The following CAPN8 variants were observed in gnomAD, a reference collection of about 807,000 sequenced individuals.
The protein encoded by CAPN8 is calpain-8.
In CAPN8, 87 loss-of-function variants were observed where a neutral mutation model predicts 80.9. That is an observed-to-expected ratio of 1.07 (90% CI 0.90 to 1.28). The LOEUF is 1.28. CAPN8 is among the 50% of genes most tolerant of loss of function. The pLI, the probability that CAPN8 is intolerant of heterozygous loss-of-function variation, is 0.00. For missense variants in CAPN8, 757 were observed against 702.0 expected, an observed-to-expected ratio of 1.08 and a Z score of -0.89; for synonymous variants, 299 against 273.8, an observed-to-expected ratio of 1.09 and a Z score of -0.91.
intron 2 of CAPN8, among the ~76,000 whole-genome samples, chr1:223,639,438 G>A (rs903957911): frequency 6.6e-5 from 10 of 152,224 alleles, no homozygotes; most frequent in East Asian, 1.9e-4. Context: ...CATTTTAATC[G>A]GGAAGCCATC....
At position 223,616,078 on chromosome 1, in the gene CAPN8, G is replaced by A. The variant is rs547366334; in HGVS notation, c.1203C>T (p.Ser401=). ...GCACTGTACAGCAGGGTTCACCGAT[G>A]CTCTCCTCCTGGTCCTCATCCACTT... ...LDEVDEDQEE[S]IGEPCCTVLL... The change falls in exon 10 of 21, where the codon AGC becomes AGT. Residue 401 remains serine (S), a synonymous_variant. Transcript: ENST00000366872. 2.3e-4 allele frequency: 356 copies of A among 1,552,172 alleles called. No individual in the cohort carries two copies. Among genetic ancestry groups the A allele is most frequent in the Non-Finnish European group, 3.0e-4 (341 of 1,147,104 alleles).
intron 1 of CAPN8, among the ~76,000 whole-genome samples, chr1:223,659,325 T>C (rs1190401286): frequency 2.0e-5 from 3 of 152,142 alleles, no homozygotes; most frequent in Non-Finnish European, 2.9e-5. Context: ...ATCTTCACCA[T>C]CATCATCTTC....
At chr1:223,544,676 A>G in intron 18 of CAPN8, 96 bp downstream of exon 18, 1 of 1,509,100 alleles carries the variant, frequency 6.6e-7, no homozygotes, top group South Asian at 1.3e-5. Context: ...TAAGAAAGCT[A>G]CAAATGATGA....
chr1:223,550,718 TCCTTC>T (rs1656761042), intron 15 of CAPN8, among the ~76,000 whole-genome samples: 1 of 152,150 alleles, frequency 6.6e-6, no homozygotes, highest in Non-Finnish European at 1.5e-5. Flanking sequence ...GGAGCTTTGT[TCCTTC>T]AGGTGCTGGC....
At position 223,553,815 on chromosome 1, in the gene CAPN8, G is replaced by T; in HGVS notation, c.1641+17C>A. The T allele has an allele frequency of 2.5e-6, 1 of 398,656 alleles. No homozygotes were observed. Among genetic ancestry groups the T allele is most frequent in the Admixed American group, 4.4e-5 (1 of 22,716 alleles). 24.7% of individuals were successfully genotyped at this position (398,656 alleles called of 1,614,324 possible). Reference sequence around the variant, plus strand: ...TTCTCCTGCCCACCTGGGAAGCCATGTTCGCCCTCCACTCACCTTCCCTGC... The same window carrying T: ...TTCTCCTGCCCACCTGGGAAGCCATTTTCGCCCTCCACTCACCTTCCCTGC... On this transcript the variant is annotated intron_variant, in intron 14 of 20. Coordinates refer to ENST00000366872, the MANE Select transcript of CAPN8 (RefSeq NM_001143962.2).
At chr1:223,545,320 C>T (rs1352317933) in intron 16 of CAPN8, 21 bp from the exon 17 acceptor site, 5 of 1,551,506 alleles carry the variant, frequency 3.2e-6, no homozygotes, top group South Asian at 1.2e-5. Flanking sequence ...TAAAGACCAA[C>T]ATGATTGAGT....
intron 14 of CAPN8, 116 bp downstream of exon 14, chr1:223,553,716 A>AC (rs1482744260): frequency 2.5e-6 from 1 of 397,870 alleles, no homozygotes; most frequent in South Asian, 1.3e-4. Context: ...GGCCCCTGAG[A>AC]CCTGAGTCTC....
intron 1 of CAPN8, among the ~76,000 whole-genome samples, chr1:223,659,586 C>T (rs1222532094): frequency 1.3e-5 from 2 of 152,180 alleles, no homozygotes; most frequent in Non-Finnish European, 1.5e-5. Context: ...CCAACTCAAA[C>T]GTCTCCGGTA....
At chr1:223,661,252 C>A (rs1443042372) in intron 1 of CAPN8, among the ~76,000 whole-genome samples, 3 of 151,936 alleles carry the variant, frequency 2.0e-5, no homozygotes, top group African/African-American at 7.3e-5. Flanking sequence ...TGAAAAGATG[C>A]TCACCATCAC....
intron 2 of CAPN8, among the ~76,000 whole-genome samples, chr1:223,650,464 C>T (rs754734879): frequency 2.0e-5 from 3 of 152,210 alleles, no homozygotes; most frequent in Admixed American, 2.0e-4. Flanking sequence ...CAAACCATAA[C>T]ATCACAGTCC....
chr1:223,648,386 T>C (rs575573439), intron 2 of CAPN8, among the ~76,000 whole-genome samples: 4 of 152,354 alleles, frequency 2.6e-5, no homozygotes, highest in Admixed American at 2.0e-4. Flanking sequence ...TTATGTTCCC[T>C]GAGGCTTCCC....
chr1:223,621,473 G>T (rs533315906), intron 7 of CAPN8, among the ~76,000 whole-genome samples: 1 of 152,104 alleles, frequency 6.6e-6, no homozygotes, highest in African/African-American at 2.4e-5. Flanking sequence ...TGGACAGCTC[G>T]GTAGTGACTT....
intron 1 of CAPN8, among the ~76,000 whole-genome samples, chr1:223,658,996 AC>A (rs1348418437): frequency 6.6e-6 from 1 of 152,178 alleles, no homozygotes; most frequent in Non-Finnish European, 1.5e-5. Context: ...CCTGCCACCT[AC>A]CCACACTTAG....
chr1:223,664,431 T>C (rs1436050399), intron 1 of CAPN8, among the ~76,000 whole-genome samples: 1 of 152,240 alleles, frequency 6.6e-6, no homozygotes, highest in Non-Finnish European at 1.5e-5. Flanking sequence ...TCTGCATCTA[T>C]TATGTTCTGG....
chr1:223,612,307 CTT>C (rs1657048863), intron 10 of CAPN8, 50 bp from the exon 11 acceptor site: 1 of 1,232,882 alleles, frequency 8.1e-7, no homozygotes, highest in South Asian at 4.1e-5. Flanking sequence ...CAAGGTCCTC[CTT>C]CTGCTCCTTT....
chr1:223,615,542 G>T (rs933326969), intron 10 of CAPN8, among the ~76,000 whole-genome samples: 6 of 152,118 alleles, frequency 3.9e-5, no homozygotes, highest in Non-Finnish European at 8.8e-5. Context: ...GTGTCTCAAG[G>T]CCTCCCAGGG....
intron 2 of CAPN8, among the ~76,000 whole-genome samples, chr1:223,640,491 C>A (rs1658015782): frequency 6.6e-6 from 1 of 152,194 alleles, no homozygotes; most frequent in Admixed American, 6.5e-5. Context: ...ACTCCCACCA[C>A]CTGCCTTCTT....
chr1:223,655,400 C>T (rs1245757879), intron 1 of CAPN8, among the ~76,000 whole-genome samples: 4 of 152,338 alleles, frequency 2.6e-5, no homozygotes, highest in Non-Finnish European at 5.9e-5. Context: ...ATGACACATG[C>T]TTTAGTCATG....
At position 223,654,286 on chromosome 1, in the gene CAPN8, C is replaced by T. The variant is rs182564835; in HGVS notation, c.307+44G>A. On this transcript the variant is annotated intron_variant, in intron 2 of 20. Coordinates refer to ENST00000366872, the MANE Select transcript of CAPN8 (RefSeq NM_001143962.2). Reference sequence around the variant, plus strand: ...GATGTTTACTCATGACACATACACACCCGCCCTCTCCCAAAACAAATAAGA... The same window carrying T: ...GATGTTTACTCATGACACATACACATCCGCCCTCTCCCAAAACAAATAAGA... 9,987 of 1,513,902 alleles carry T rather than the reference C, an allele frequency of 6.6e-3. 43 individuals are homozygous for T. Among genetic ancestry groups the T allele is most frequent in the Non-Finnish European group, 7.8e-3 (8,684 of 1,113,012 alleles). 93.8% of individuals were successfully genotyped at this position (1,513,902 alleles called of 1,614,324 possible).
Sources: allele counts gnomAD v4.1 joint callset (sites outside exome capture counted in the v4.1 genomes callset), GRCh38; gene constraint gnomAD v4.1.1; transcripts MANE v1.5; gene names NCBI Gene and HGNC (gene_info 2026-07-23, HGNC 2026-07-21).